Variants in CCSER2 observed in about 807,000 individuals in gnomAD.
CCSER2 encodes serine-rich coiled-coil domain-containing protein 2.
Under a neutral mutation model 92.3 loss-of-function variants are expected in CCSER2, and 46 were observed. The observed-to-expected ratio is 0.50, with a 90% CI of 0.39 to 0.64. The LOEUF (loss-of-function observed/expected upper bound fraction) is 0.64, where lower values mean the gene tolerates loss of function less well. Among genes scored for constraint, CCSER2 ranks in the 30% least tolerant of loss-of-function variants. The pLI is 0.00. For missense variants in CCSER2, 1,244 were observed against 1,238.9 expected, an observed-to-expected ratio of 1.00 and a Z score of -0.06; for synonymous variants, 433 against 431.4, an observed-to-expected ratio of 1.00 and a Z score of -0.04.
chr10:84,474,889 A>G (rs1312583754), intron 8 of CCSER2, among the ~76,000 whole-genome samples: 3 of 152,104 alleles, frequency 2.0e-5, no homozygotes, highest in Admixed American at 6.5e-5. Context: ...AAAAATAAAA[A>G]CAGTTGTAAA....
At chr10:84,355,164 T>C (rs1051863590) in intron 1 of CCSER2, among the ~76,000 whole-genome samples, 26 of 151,972 alleles carry the variant, frequency 1.7e-4, no homozygotes, top group African/African-American at 6.3e-4. Flanking sequence ...GGTCAGATCT[T>C]TTTTTTTAAT....
chr10:84,416,834 G>A (rs1338751969), intron 3 of CCSER2, among the ~76,000 whole-genome samples: 1 of 152,160 alleles, frequency 6.6e-6, no homozygotes, highest in Non-Finnish European at 1.5e-5. Context: ...GGGAGGCTGA[G>A]GCAGGAGAAT....
At position 84,478,123 on chromosome 10, in the gene CCSER2, A is replaced by G. The variant is rs190509497; in HGVS notation, c.2325+459A>G. On this transcript the variant is annotated intron_variant, in intron 9 of 9. Transcript: ENST00000372088. ...GGGTGTTAGGAAATATAAATGCACG[A>G]AGATACAGACAATAAAAGTTATGTT... is the stretch of plus-strand genomic sequence containing the variant. Among the ~76,000 whole-genome samples the G allele has an allele frequency of 2.6e-3, 397 of 152,356 alleles. 5 individuals carry two copies. The highest frequency in any genetic ancestry group is 7.2e-4 in the Non-Finnish European group (49 of 68,024).
intron 8 of CCSER2, 102 bp downstream of exon 8, chr10:84,470,560 C>G: frequency 4.1e-6 from 4 of 972,654 alleles, no homozygotes; most frequent in Non-Finnish European, 5.5e-6. Flanking sequence ...ATTTTTGGCT[C>G]TCAAAGTTGC....
chr10:84,457,315 AATATATT>A (rs1564685006), intron 6 of CCSER2, among the ~76,000 whole-genome samples: 7 of 59,350 alleles, frequency 1.2e-4, no homozygotes, highest in Admixed American at 6.5e-4. Flanking sequence ...TGTTATATAT[AATATATT>A]ATATATAATA....
At chr10:84,408,649 G>A (rs527974526) in intron 3 of CCSER2, among the ~76,000 whole-genome samples, 175 of 152,236 alleles carry the variant, frequency 1.1e-3, no homozygotes, top group Non-Finnish European at 1.9e-3. Context: ...GCATTTAGTT[G>A]GTTATTAAAA....
intron 9 of CCSER2, among the ~76,000 whole-genome samples, chr10:84,501,530 T>A (rs1296487150): frequency 3.9e-5 from 6 of 152,032 alleles, no homozygotes; most frequent in Non-Finnish European, 5.9e-5. Context: ...AAAACATGTT[T>A]ATCAGAAATA....
chr10:84,383,734 A>C (rs1466170318), intron 3 of CCSER2, among the ~76,000 whole-genome samples: 1 of 152,210 alleles, frequency 6.6e-6, no homozygotes, highest in East Asian at 1.9e-4. Flanking sequence ...TGTTTTCATT[A>C]AACTCTGGTG....
At chr10:84,359,357 A>G (rs4459232) in intron 1 of CCSER2, among the ~76,000 whole-genome samples, 136,948 of 152,156 alleles carry the variant, frequency 0.9, 61,836 homozygotes, top group African/African-American at 0.97. Context: ...TGTGAGGGTC[A>G]GGTCAAGAAC....
intron 1 of CCSER2, among the ~76,000 whole-genome samples, chr10:84,358,002 C>T (rs936924271): frequency 1.3e-5 from 2 of 152,148 alleles, no homozygotes; most frequent in African/African-American, 4.8e-5. Flanking sequence ...ATTTTCCTTT[C>T]CCATTAGGTG....
intron 9 of CCSER2, among the ~76,000 whole-genome samples, chr10:84,484,753 A>T (rs188164926): frequency 2.6e-5 from 4 of 152,322 alleles, no homozygotes; most frequent in African/African-American, 9.6e-5. Flanking sequence ...GACAGGAGCC[A>T]TCTGTGTTGC....
At chr10:84,332,109 TAG>T (rs1843589358) in intron 1 of CCSER2, among the ~76,000 whole-genome samples, 1 of 152,176 alleles carries the variant, frequency 6.6e-6, no homozygotes, top group African/African-American at 2.4e-5. Context: ...CAGACTCCAG[TAG>T]AGTTTGGTTG....
At chr10:84,453,405 T>C (rs1845415300) in intron 6 of CCSER2, among the ~76,000 whole-genome samples, 1 of 152,238 alleles carries the variant, frequency 6.6e-6, no homozygotes, top group African/African-American at 2.4e-5. Flanking sequence ...ATAAAACATT[T>C]CAAATGCGAC....
At chr10:84,509,408 GA>G (rs1036512926) in intron 9 of CCSER2, among the ~76,000 whole-genome samples, 1 of 152,144 alleles carries the variant, frequency 6.6e-6, no homozygotes, top group African/African-American at 2.4e-5. Flanking sequence ...GTACATGCCT[GA>G]AAGGAGCTCC....
Position 84,513,816 on chromosome 10 carries a change from A to G in CCSER2, c.2693A>G (p.Asp898Gly). The G allele has an allele frequency of 6.5e-7, 1 of 1,536,304 alleles. No homozygotes were observed. The highest frequency in any genetic ancestry group is 8.7e-7 in the Non-Finnish European group (1 of 1,146,930). ...ACACCTCCCGAGTCAAGTACAGTAG[A>G]CCAGGCTAAGAGAGTTGGAAGAAAT... ...LQTPPESSTV[D>G]QAKRVGRNQS... Residue 898 changes from aspartate (D) to glycine (G), a missense_variant, in exon 10 of 10, where the codon GAC (aspartate) becomes GGC (glycine). Transcript: ENST00000372088.
intron 5 of CCSER2, among the ~76,000 whole-genome samples, chr10:84,436,350 A>AAAAAAAAAAT (rs1844137912): frequency 7.9e-6 from 1 of 126,666 alleles, no homozygotes; most frequent in African/African-American, 2.9e-5. Flanking sequence ...AAAAAAAAAA[A>AAAAAAAAAAT]AAATGCCGGG....
At chr10:84,467,456 C>G (rs1846514452) in intron 7 of CCSER2, among the ~76,000 whole-genome samples, 1 of 152,096 alleles carries the variant, frequency 6.6e-6, no homozygotes, top group Admixed American at 6.5e-5. Flanking sequence ...CTCTCACCCC[C>G]CACATATGTG....
At chr10:84,423,183 A>G (rs1843239550) in intron 4 of CCSER2, among the ~76,000 whole-genome samples, 1 of 152,222 alleles carries the variant, frequency 6.6e-6, no homozygotes, top group African/African-American at 2.4e-5. Context: ...CTAAGAAACC[A>G]TCAGCAGTGT....
At chr10:84,508,013 T>C (rs1849154970) in intron 9 of CCSER2, among the ~76,000 whole-genome samples, 1 of 152,226 alleles carries the variant, frequency 6.6e-6, no homozygotes, top group Non-Finnish European at 1.5e-5. Flanking sequence ...AATAATCATC[T>C]GGTTATACTG....
Sources: allele counts gnomAD v4.1 joint callset (sites outside exome capture counted in the v4.1 genomes callset), GRCh38; gene constraint gnomAD v4.1.1; transcripts MANE v1.5; gene names NCBI Gene and HGNC (gene_info 2026-07-23, HGNC 2026-07-21).